TESC: variants seen among roughly 807,000 people sequenced by gnomAD.
TESC encodes the protein tescalcin.
In TESC, 19 loss-of-function variants were observed where a neutral mutation model predicts 31.0. The observed-to-expected ratio is 0.61, with a 90% confidence interval of 0.43 to 0.90. The LOEUF (loss-of-function observed/expected upper bound fraction) is 0.90. Ranked by LOEUF, TESC falls within the 40% of genes least tolerant of loss-of-function variation. The pLI, the probability that TESC is intolerant of heterozygous loss-of-function variation, is 0.00. For synonymous variants in TESC, 109 were observed against 114.8 expected (o/e 0.95, Z 0.32); for missense variants, 248 against 303.8 (o/e 0.82, Z 1.36).
rs567765099 is a variant in TESC at position 117,069,185 on chromosome 12, A to G, written c.128+6086T>C. ...GTGGTCTGGATGAATTCAGGTCTTG[A>G]GGATCCTGAAGCATATACGATTTGG... is the stretch of plus-strand genomic sequence containing the variant. On this transcript the variant is annotated intron_variant, in intron 2 of 7. Coordinates refer to ENST00000335209, the MANE Select transcript of TESC (RefSeq NM_017899.4). Among the ~76,000 whole-genome samples, 8 of 152,066 alleles carry G rather than the reference A, an allele frequency of 5.3e-5. No individual in the cohort carries two copies. The East Asian group carries it at 1.4e-3, about 26-fold the overall frequency.
chr12:117,051,803 C>T (rs1447905293), intron 3 of TESC, among the ~76,000 whole-genome samples: 4 of 152,162 alleles, frequency 2.6e-5, no homozygotes, highest in Non-Finnish European at 4.4e-5. Context: ...CCTTCCCCTC[C>T]GAGTGCTCCC....
intron 2 of TESC, among the ~76,000 whole-genome samples, chr12:117,062,847 G>C (rs1954817369): frequency 6.6e-6 from 1 of 152,222 alleles, no homozygotes; most frequent in African/African-American, 2.4e-5. Flanking sequence ...GCAGCCATGG[G>C]AACAGGCTCT....
At chr12:117,095,408 C>T (rs749869008) in intron 1 of TESC, among the ~76,000 whole-genome samples, 4 of 152,110 alleles carry the variant, frequency 2.6e-5, no homozygotes, top group African/African-American at 9.7e-5. Context: ...AGAAAGGCTC[C>T]CGTACGTAAA....
rs2893703 is a variant in TESC, at chr12:117,088,510, G to A, written c.58+10715C>T. Reference sequence around the variant, plus strand: ...AGCCTGGCCAACATGGCAAAACCCCGTCTCTACTAAAAATACAAAAATTAG... The same window carrying A: ...AGCCTGGCCAACATGGCAAAACCCCATCTCTACTAAAAATACAAAAATTAG... On this transcript the variant is annotated intron_variant, in intron 1 of 7. Transcript: ENST00000335209. Among the ~76,000 whole-genome samples the A allele has an allele frequency of 9.2e-5, 14 of 152,078 alleles. No homozygotes were observed. In the South Asian group the frequency reaches 1.0e-3, roughly 11 times the overall value.
In TESC at chr12:117,050,885, A is replaced by T. The variant is rs528639881; in HGVS notation, c.210-1727T>A. On this transcript the variant is annotated intron_variant, in intron 3 of 7. Transcript: ENST00000335209. ...GGCTGCAGTGAGCCAAGATCACGCC[A>T]CTGCACTCCAGCCTGGGTGGCTAAG... Among the ~76,000 whole-genome samples, 813 of 152,342 alleles carry T rather than the reference A, an allele frequency of 5.3e-3. 5 individuals are homozygous for T. Among genetic ancestry groups the T allele is most frequent in the Middle Eastern group, 0.017 (5 of 294 alleles).
intron 1 of TESC, among the ~76,000 whole-genome samples, chr12:117,092,512 C>CAGTCA (rs1955326939): frequency 6.6e-6 from 1 of 152,224 alleles, no homozygotes; most frequent in African/African-American, 2.4e-5. Flanking sequence ...AGCCCCCATC[C>CAGTCA]AGTCAAGGCA....
intron 3 of TESC, chr12:117,053,822 T>A (rs901599843): frequency 1.3e-5 from 2 of 152,466 alleles, no homozygotes; most frequent in African/African-American, 4.8e-5. Flanking sequence ...CTGTACCATC[T>A]TCCTGTCAGT....
chr12:117,045,464 G>A (rs1954544165), intron 6 of TESC, among the ~76,000 whole-genome samples: 1 of 152,236 alleles, frequency 6.6e-6, no homozygotes, highest in South Asian at 2.1e-4. Flanking sequence ...CAACCCGGCG[G>A]GGGATCCCTG....
At chr12:117,070,710 C>G (rs1954958089) in intron 2 of TESC, among the ~76,000 whole-genome samples, 1 of 152,166 alleles carries the variant, frequency 6.6e-6, no homozygotes, top group Admixed American at 6.5e-5. Context: ...ACTTTCCCAT[C>G]TGTAAAATGG....
At chr12:117,082,835 T>G (rs1955166724) in intron 1 of TESC, among the ~76,000 whole-genome samples, 1 of 152,236 alleles carries the variant, frequency 6.6e-6, no homozygotes, top group African/African-American at 2.4e-5. Context: ...TTTGGTTATC[T>G]GTCCCTTAAC....
chr12:117,085,014 C>T (rs529839483), intron 1 of TESC, among the ~76,000 whole-genome samples: 44 of 152,340 alleles, frequency 2.9e-4, no homozygotes, highest in African/African-American at 1.0e-3. Context: ...CACATCCCCT[C>T]GCCAGGATCC....
Position 117,075,420 on chromosome 12 carries a change from T to C in TESC, c.59-80A>G, listed in dbSNP as rs981474328. 169 of 1,509,458 alleles carry C rather than the reference T, an allele frequency of 1.1e-4. No individual in the cohort carries two copies. In the African/African-American group the frequency reaches 2.2e-3, roughly 19 times the overall value. 93.5% of individuals were successfully genotyped at this position (1,509,458 alleles called of 1,614,324 possible). ...TCAGAGGGAGGCTGCAGATATTCTT[T>C]TGCCCCATCCCCACTGGCTGCCACA... On this transcript the variant is annotated intron_variant, in intron 1 of 7. Coordinates refer to ENST00000335209, the MANE Select transcript of TESC (RefSeq NM_017899.4).
At chr12:117,050,919 T>C (rs1181690546) in intron 3 of TESC, among the ~76,000 whole-genome samples, 1 of 152,192 alleles carries the variant, frequency 6.6e-6, no homozygotes, top group Admixed American at 6.5e-5. Flanking sequence ...AGTAAGACCC[T>C]GTCTCAAACG....
chr12:117,066,895 G>C (rs1433343557), intron 2 of TESC, among the ~76,000 whole-genome samples: 2 of 152,116 alleles, frequency 1.3e-5, no homozygotes, highest in African/African-American at 4.8e-5. Context: ...CCTGGGAAAA[G>C]AATCTCTATA....
intron 1 of TESC, among the ~76,000 whole-genome samples, chr12:117,087,897 A>G (rs968596453): frequency 3.3e-5 from 5 of 152,230 alleles, no homozygotes; most frequent in Non-Finnish European, 7.3e-5. Context: ...CCCAGAGGCT[A>G]GGACTCAGCC....
At chr12:117,070,492 C>G (rs1954953185) in intron 2 of TESC, among the ~76,000 whole-genome samples, 1 of 152,146 alleles carries the variant, frequency 6.6e-6, no homozygotes, top group Non-Finnish European at 1.5e-5. Flanking sequence ...GCTCTGAGAC[C>G]AAGGCAGTGG....
At position 117,092,412 on chromosome 12, in the gene TESC, T is replaced by C. The variant is rs116037381; in HGVS notation, c.58+6813A>G. Reference sequence around the variant, plus strand: ...AGAGCAGGCAGGTGCCTTTGGTTGATCCCCAGCCCTGTGGGAAGCTTCCAC... The same window carrying C: ...AGAGCAGGCAGGTGCCTTTGGTTGACCCCCAGCCCTGTGGGAAGCTTCCAC... On this transcript the variant is annotated intron_variant, in intron 1 of 7. Transcript: ENST00000335209. Among the ~76,000 whole-genome samples the C allele has an allele frequency of 4.7e-3, 713 of 152,254 alleles. 7 individuals carry two copies. The highest frequency in any genetic ancestry group is 0.016 in the African/African-American group (685 of 41,548).
intron 2 of TESC, among the ~76,000 whole-genome samples, chr12:117,059,449 C>G (rs1954772379): frequency 2.6e-5 from 4 of 152,102 alleles, no homozygotes; most frequent in Admixed American, 2.0e-4. Flanking sequence ...CCCAGAAACC[C>G]AGTTCAAAAG....
At chr12:117,088,224 T>C (rs955817170) in intron 1 of TESC, among the ~76,000 whole-genome samples, 1 of 151,972 alleles carries the variant, frequency 6.6e-6, no homozygotes, top group Non-Finnish European at 1.5e-5. Flanking sequence ...AGACTAAAGA[T>C]GATGAAGGGG....
Sources: gnomAD v4.1 joint callset for allele counts (sites outside exome capture counted in the v4.1 genomes callset) on GRCh38, gnomAD v4.1.1 for gene constraint, MANE v1.5 for transcripts, NCBI Gene and HGNC (gene_info 2026-07-23, HGNC 2026-07-21) for gene names.